The following LYPLAL1 variants were observed in gnomAD, a reference collection of about 807,000 sequenced individuals.
LYPLAL1 encodes the protein lysophospholipase like 1, also known as lysophospholipase-like protein 1.
LYPLAL1 carries 23 observed loss-of-function variants against 19.7 expected under a neutral mutation model. That is an observed-to-expected ratio of 1.17 (90% CI 0.84 to 1.65). The LOEUF is 1.65. LYPLAL1 is among the 40% of genes most tolerant of loss of function. The pLI, the probability that LYPLAL1 is intolerant of heterozygous loss-of-function variation, is 0.00. For missense variants in LYPLAL1, 355 were observed against 279.4 expected (o/e 1.27, Z -1.93); for synonymous variants, 119 against 96.3 (o/e 1.24, Z -1.38).
the LYPLAL1 span, among the ~76,000 whole-genome samples, chr1:219,424,529 A>G: frequency 1.3e-5 from 2 of 152,172 alleles, no homozygotes; most frequent in Non-Finnish European, 2.9e-5. Flanking sequence ...CGGGCATGGA[A>G]CAACAACGAG....
rs1193085276 is a variant in LYPLAL1, at chr1:219,210,460, G to T, written c.362-72G>T. ...GGTCTCCAGATATTTTAAAAATATG[G>T]AAAATTGTTATATATCATATCCTAA... On this transcript the variant is annotated intron_variant, in intron 3 of 4. Coordinates refer to ENST00000366928, the MANE Select transcript of LYPLAL1 (RefSeq NM_138794.5). 7 of 1,050,230 alleles carry T rather than the reference G, an allele frequency of 6.7e-6. No individual in the cohort carries two copies. In the East Asian group the frequency reaches 1.6e-4, roughly 25 times the overall value. The allele number at this position is 1,050,230 out of a possible 1,614,324, so 65.1% of individuals were successfully genotyped here.
the LYPLAL1 span, among the ~76,000 whole-genome samples, chr1:219,350,922 G>A: frequency 6.6e-6 from 1 of 152,200 alleles, no homozygotes; most frequent in Non-Finnish European, 1.5e-5. Context: ...TCCTGGCAGG[G>A]CTTCTGCAAG....
At chr1:219,346,347 G>A in the LYPLAL1 span, among the ~76,000 whole-genome samples, 1 of 152,148 alleles carries the variant, frequency 6.6e-6, no homozygotes, top group African/African-American at 2.4e-5. Flanking sequence ...AAGTAAGGAA[G>A]AGGAGTGTCA....
At chr1:219,207,596 C>G (rs1658674883) in intron 3 of LYPLAL1, among the ~76,000 whole-genome samples, 1 of 152,004 alleles carries the variant, frequency 6.6e-6, no homozygotes, top group South Asian at 2.1e-4. Flanking sequence ...TAAGCACTTT[C>G]TGTGTGCCAG....
chr1:219,200,947 T>A (rs1658047066), intron 3 of LYPLAL1, among the ~76,000 whole-genome samples: 1 of 152,228 alleles, frequency 6.6e-6, no homozygotes, highest in Non-Finnish European at 1.5e-5. Flanking sequence ...GAATTTTGAA[T>A]CTAACTTTAT....
chr1:219,404,592 T>C, the LYPLAL1 span, among the ~76,000 whole-genome samples: 2 of 152,052 alleles, frequency 1.3e-5, no homozygotes, highest in African/African-American at 4.8e-5. Context: ...TAGGGCCCTA[T>C]GAAAACACAC....
the LYPLAL1 span, among the ~76,000 whole-genome samples, chr1:219,266,315 A>G: frequency 6.6e-6 from 1 of 152,158 alleles, no homozygotes; most frequent in Admixed American, 6.5e-5. Flanking sequence ...AAACAAAGAC[A>G]CAAACACACA....
chr1:219,257,965 G>A, the LYPLAL1 span, among the ~76,000 whole-genome samples: 2 of 151,990 alleles, frequency 1.3e-5, no homozygotes, highest in African/African-American at 2.4e-5. Context: ...CTTCCCCAGG[G>A]TGTTAATTAT....
chr1:219,200,980 T>A (rs887002542), intron 3 of LYPLAL1, among the ~76,000 whole-genome samples: 1 of 152,214 alleles, frequency 6.6e-6, no homozygotes, highest in African/African-American at 2.4e-5. Flanking sequence ...CCAACGATTC[T>A]TACATTTAGC....
the LYPLAL1 span, among the ~76,000 whole-genome samples, chr1:219,415,572 C>T: frequency 6.6e-6 from 1 of 152,100 alleles, no homozygotes; most frequent in Admixed American, 6.5e-5. Flanking sequence ...TACTAGTGAG[C>T]ACATACACTT....
chr1:219,324,698 A>G, the LYPLAL1 span, among the ~76,000 whole-genome samples: 4 of 152,098 alleles, frequency 2.6e-5, no homozygotes, highest in African/African-American at 9.7e-5. Context: ...TACAGGATGA[A>G]GCCAAATAGT....
the LYPLAL1 span, among the ~76,000 whole-genome samples, chr1:219,386,550 C>T: frequency 2.6e-5 from 4 of 152,116 alleles, no homozygotes; most frequent in African/African-American, 9.7e-5. Context: ...TATACTGGAC[C>T]TTTAAACCTT....
chr1:219,179,214 C>T lies in LYPLAL1; in HGVS notation c.159C>T (p.His53=), dbSNP rs1558218944. 1 of 1,612,150 alleles carries T rather than the reference C, an allele frequency of 6.2e-7. No homozygotes were observed. Among genetic ancestry groups the T allele is most frequent in the Non-Finnish European group, 8.5e-7 (1 of 1,178,940 alleles). The change falls in exon 2 of 5, where the codon CAC becomes CAT. Residue 53 remains histidine (H), a synonymous_variant. Coordinates refer to ENST00000366928, the MANE Select transcript of LYPLAL1 (RefSeq NM_138794.5). The part of the protein sequence containing the change: ...QVLNQDLTFQ[H]IKIIYPTAPP... ...TAAATCAAGATTTAACATTCCAACA[C>T]ATAAAAATTATTTATCCAACAGCTC...
chr1:219,182,651 A>C (rs191053914), intron 2 of LYPLAL1, among the ~76,000 whole-genome samples: 2 of 152,134 alleles, frequency 1.3e-5, no homozygotes, highest in African/African-American at 4.8e-5. Flanking sequence ...ATGTTGCTAC[A>C]TACTTTCTGA....
chr1:219,274,106 A>G, the LYPLAL1 span, among the ~76,000 whole-genome samples: 10 of 152,330 alleles, frequency 6.6e-5, no homozygotes, highest in East Asian at 1.7e-3. Context: ...CTGTAAAGGA[A>G]TGAAGAGAAA....
intron 2 of LYPLAL1, among the ~76,000 whole-genome samples, chr1:219,183,061 T>C (rs1187081942): frequency 6.6e-6 from 1 of 152,114 alleles, no homozygotes; most frequent in African/African-American, 2.4e-5. Flanking sequence ...TCACCAGCAG[T>C]ATTCAAGATT....
At chr1:219,217,344 A>C (rs531177082), downstream of LYPLAL1, among the ~76,000 whole-genome samples, 1 of 148,440 alleles carries the variant, frequency 6.7e-6, no homozygotes, top group South Asian at 2.2e-4. Context: ...AGTTAAACAG[A>C]TTCAAGGTAT....
chr1:219,303,854 A>G, the LYPLAL1 span, among the ~76,000 whole-genome samples: 51 of 152,232 alleles, frequency 3.4e-4, no homozygotes, highest in African/African-American at 1.2e-3. Flanking sequence ...GGTGGCTACT[A>G]TGTTTTTCTG....
At chr1:219,430,838 T>C in the LYPLAL1 span, among the ~76,000 whole-genome samples, 1 of 152,164 alleles carries the variant, frequency 6.6e-6, no homozygotes, top group Non-Finnish European at 1.5e-5. Flanking sequence ...TTTTTTAATT[T>C]AATTTTTATT....
Sources: gnomAD v4.1 joint callset for allele counts (sites outside exome capture counted in the v4.1 genomes callset) on GRCh38, gnomAD v4.1.1 for gene constraint, MANE v1.5 for transcripts, NCBI Gene and HGNC (gene_info 2026-07-23, HGNC 2026-07-21) for gene names.